FSTL5: variants seen among roughly 807,000 people sequenced by gnomAD.
FSTL5 encodes the protein follistatin-related protein 5.
FSTL5 carries 62 observed loss-of-function variants against 89.1 expected under a neutral mutation model. The observed-to-expected ratio is 0.70, with a 90% confidence interval of 0.57 to 0.86. The LOEUF is 0.86. Ranked by LOEUF, FSTL5 falls within the 40% of genes least tolerant of loss-of-function variation. The pLI is 0.00. For missense variants in FSTL5, 1,057 were observed against 1,001.6 expected (o/e 1.06, Z -0.75); for synonymous variants, 383 against 346.2 (o/e 1.11, Z -1.18).
At chr4:162,046,767 T>C (rs1229728690) in intron 2 of FSTL5, among the ~76,000 whole-genome samples, 1 of 152,168 alleles carries the variant, frequency 6.6e-6, no homozygotes, top group Non-Finnish European at 1.5e-5. Flanking sequence ...GATTTGGTTA[T>C]GAAAACTAGT....
chr4:161,884,542 C>T (rs955259991), intron 4 of FSTL5, among the ~76,000 whole-genome samples: 2 of 152,044 alleles, frequency 1.3e-5, no homozygotes, highest in Non-Finnish European at 2.9e-5. Flanking sequence ...TGCAAAACAA[C>T]AATGAAAAGA....
At chr4:162,078,261 C>T (rs1729949098) in intron 2 of FSTL5, among the ~76,000 whole-genome samples, 1 of 151,678 alleles carries the variant, frequency 6.6e-6, no homozygotes, top group African/African-American at 2.4e-5. Context: ...GCTATATATA[C>T]CATAAAATAT....
At chr4:161,989,669 T>C (rs2111072267) in intron 3 of FSTL5, among the ~76,000 whole-genome samples, 1 of 152,250 alleles carries the variant, frequency 6.6e-6, no homozygotes. Context: ...TCCACTACTA[T>C]GATACTCAGC....
chr4:161,883,841 A>G (rs1166837793), intron 4 of FSTL5, among the ~76,000 whole-genome samples: 2 of 152,170 alleles, frequency 1.3e-5, no homozygotes, highest in African/African-American at 4.8e-5. Flanking sequence ...CAGTTTTCTG[A>G]CAGGCAAGGA....
At chr4:161,828,138 C>A (rs551493656) in intron 4 of FSTL5, among the ~76,000 whole-genome samples, 1 of 152,150 alleles carries the variant, frequency 6.6e-6, no homozygotes. Context: ...CACTTCCTGT[C>A]GGGTCTTCTA....
intron 3 of FSTL5, among the ~76,000 whole-genome samples, chr4:161,972,248 C>T (rs542416728): frequency 4.6e-5 from 7 of 152,124 alleles, no homozygotes; most frequent in East Asian, 3.9e-4. Flanking sequence ...TCTGCCACCA[C>T]GCCCAGCTAA....
At chr4:162,093,411 G>A (rs1730627408) in intron 2 of FSTL5, among the ~76,000 whole-genome samples, 1 of 152,096 alleles carries the variant, frequency 6.6e-6, no homozygotes, top group Non-Finnish European at 1.5e-5. Flanking sequence ...TTTTCCAGTG[G>A]CATAATCTCT....
At chr4:161,977,074 G>A (rs2111034073) in intron 3 of FSTL5, among the ~76,000 whole-genome samples, 1 of 152,206 alleles carries the variant, frequency 6.6e-6, no homozygotes, top group South Asian at 2.1e-4. Flanking sequence ...TTCATGACAT[G>A]TTATTGTTAA....
intron 3 of FSTL5, among the ~76,000 whole-genome samples, chr4:161,941,177 A>C (rs1009692731): frequency 6.6e-6 from 1 of 151,856 alleles, no homozygotes; most frequent in African/African-American, 2.4e-5. Flanking sequence ...AGGAAACAAG[A>C]AGCAAATGAA....
rs184776314 is a variant in FSTL5, at chr4:162,057,853, A to G, written c.127-24195T>C. 5.0e-3 allele frequency among the ~76,000 whole-genome samples: 761 copies of G among 152,250 alleles called. 5 individuals are homozygous for G. Among genetic ancestry groups the G allele is most frequent in the Middle Eastern group, 0.017 (5 of 294 alleles). On this transcript the variant is annotated intron_variant, in intron 2 of 15. Coordinates refer to ENST00000306100, the MANE Select transcript of FSTL5 (RefSeq NM_020116.5). ...CAGCTATTTGGGAGGCTGAGGCAGG[A>G]GAACCACTTGAATCTGGGAGACGGA... is the stretch of plus-strand genomic sequence containing the variant.
chr4:161,962,274 A>C, intron 3 of FSTL5, among the ~76,000 whole-genome samples: 1 of 152,100 alleles, frequency 6.6e-6, no homozygotes, highest in Admixed American at 6.6e-5. Flanking sequence ...TGTCAGTGCT[A>C]TAAGAGTATT....
At chr4:162,052,317 T>C (rs1671486920) in intron 2 of FSTL5, among the ~76,000 whole-genome samples, 1 of 151,590 alleles carries the variant, frequency 6.6e-6, no homozygotes, top group Non-Finnish European at 1.5e-5. Flanking sequence ...AAAAAAGCCT[T>C]AAGTGGCTAC....
At chr4:161,470,102 ATT>A (rs1733884705) in intron 13 of FSTL5, among the ~76,000 whole-genome samples, 1 of 151,592 alleles carries the variant, frequency 6.6e-6, no homozygotes, top group Admixed American at 6.6e-5. Context: ...TTTTAAAAAA[ATT>A]ATTAAGTCCA....
At chr4:161,722,520 T>C (rs1450664953) in intron 6 of FSTL5, among the ~76,000 whole-genome samples, 7 of 152,192 alleles carry the variant, frequency 4.6e-5, no homozygotes, top group Admixed American at 4.6e-4. Flanking sequence ...TCACTTATTT[T>C]AGGTGATTTA....
chr4:161,747,545 T>C (rs1740242234), intron 6 of FSTL5, among the ~76,000 whole-genome samples: 1 of 152,338 alleles, frequency 6.6e-6, no homozygotes, highest in East Asian at 1.9e-4. Flanking sequence ...AATGTGCATA[T>C]CCTCTCAATG....
intron 4 of FSTL5, among the ~76,000 whole-genome samples, chr4:161,784,060 T>C (rs1421395868): frequency 6.6e-6 from 1 of 151,612 alleles, no homozygotes; most frequent in Non-Finnish European, 1.5e-5. Context: ...CTCAGCCTCT[T>C]AGGTAGCTGG....
chr4:161,484,534 A>T (rs543697542), intron 12 of FSTL5, among the ~76,000 whole-genome samples: 3 of 152,322 alleles, frequency 2.0e-5, no homozygotes, highest in African/African-American at 7.2e-5. Flanking sequence ...TCAATCATCC[A>T]TCTAATTATC....
chr4:161,425,249 A>C (rs1732131904), intron 15 of FSTL5, among the ~76,000 whole-genome samples: 1 of 152,228 alleles, frequency 6.6e-6, no homozygotes, highest in African/African-American at 2.4e-5. Context: ...CACTAAAGTT[A>C]GGGATAAACT....
chr4:161,604,075 T>G (rs1184658864), intron 7 of FSTL5, among the ~76,000 whole-genome samples: 1 of 152,196 alleles, frequency 6.6e-6, no homozygotes, highest in African/African-American at 2.4e-5. Flanking sequence ...ACTCTTGATA[T>G]TTGTGCTCCA....
Sources: allele counts gnomAD v4.1 joint callset (sites outside exome capture counted in the v4.1 genomes callset), GRCh38; gene constraint gnomAD v4.1.1; transcripts MANE v1.5; gene names NCBI Gene and HGNC (gene_info 2026-07-23, HGNC 2026-07-21).